The following LITAF variants were observed in gnomAD, a reference collection of about 807,000 sequenced individuals.
LITAF encodes the protein lipopolysaccharide-induced tumor necrosis factor-alpha factor.
Under a neutral mutation model 14.5 loss-of-function variants are expected in LITAF, and 9 were observed. That is an observed-to-expected ratio of 0.62 (90% CI 0.37 to 1.08). The LOEUF (loss-of-function observed/expected upper bound fraction) is 1.08, where lower values mean the gene tolerates loss of function less well. Ranked by LOEUF, LITAF falls within the 50% of genes least tolerant of loss-of-function variation. The pLI is 0.01. For missense variants in LITAF, 206 were observed against 213.4 expected (o/e 0.97, Z 0.22); for synonymous variants, 98 against 88.2 (o/e 1.11, Z -0.62).
At chr16:11,571,303 G>A (rs907617597) in intron 1 of LITAF, among the ~76,000 whole-genome samples, 3 of 152,188 alleles carry the variant, frequency 2.0e-5, no homozygotes, top group Non-Finnish European at 2.9e-5. Flanking sequence ...TTAACCTCAG[G>A]TGATTCGCCT....
chr16:11,618,713 G>A (rs913094709), intron 3 of LITAF, among the ~76,000 whole-genome samples: 7 of 152,096 alleles, frequency 4.6e-5, no homozygotes, highest in Admixed American at 4.6e-4. Flanking sequence ...GGCCGGCCGC[G>A]GGGGCTCACA....
intron 3 of LITAF, among the ~76,000 whole-genome samples, chr16:11,630,131 C>T (rs2065109005): frequency 6.6e-6 from 1 of 152,132 alleles, no homozygotes. Flanking sequence ...CATGGGAGTC[C>T]AGATAGGAAC....
upstream of LITAF, among the ~76,000 whole-genome samples, chr16:11,638,022 ATCTATATATC>A (rs1567271020): frequency 2.2e-5 from 2 of 89,602 alleles, no homozygotes; most frequent in Non-Finnish European, 3.7e-5. Flanking sequence ...ATCTATATAT[ATCTATATATC>A]TATATATATC....
At chr16:11,569,598 C>G (rs2141780007) in intron 1 of LITAF, among the ~76,000 whole-genome samples, 1 of 152,282 alleles carries the variant, frequency 6.6e-6, no homozygotes, top group South Asian at 2.1e-4. Flanking sequence ...CAGATTCACT[C>G]ATAGCTCAGG....
chr16:11,554,466 T>G (rs945493430), intron 2 of LITAF, among the ~76,000 whole-genome samples: 2 of 151,990 alleles, frequency 1.3e-5, no homozygotes, highest in African/African-American at 4.8e-5. Flanking sequence ...TGTGAAAACA[T>G]GTTCGAACAT....
intron 3 of LITAF, chr16:11,551,920 C>CT (rs34257398): frequency 0.04 from 14,320 of 361,908 alleles, 8 homozygotes; most frequent in East Asian, 0.091. Flanking sequence ...AGGCAATGGA[C>CT]TTTTTTTTTT....
intron 1 of LITAF, among the ~76,000 whole-genome samples, chr16:11,585,154 T>C (rs529446894): frequency 1.2e-4 from 16 of 138,534 alleles, no homozygotes; most frequent in African/African-American, 3.5e-4. Flanking sequence ...TGAGGTGGGG[T>C]GGGGAGGGTT....
intron 3 of LITAF, among the ~76,000 whole-genome samples, chr16:11,550,046 G>A (rs1427861594): frequency 2.0e-5 from 3 of 152,152 alleles, no homozygotes; most frequent in Non-Finnish European, 4.4e-5. Flanking sequence ...GCTGGAGGAG[G>A]CAAAAAATGA....
At chr16:11,554,261 T>C (rs1009532887) in intron 2 of LITAF, among the ~76,000 whole-genome samples, 15 of 151,868 alleles carry the variant, frequency 9.9e-5, no homozygotes, top group African/African-American at 3.6e-4. Flanking sequence ...TTAACCAGCC[T>C]CACACTGTGC....
intron 1 of LITAF, among the ~76,000 whole-genome samples, chr16:11,576,675 CA>C (rs1374233061): frequency 6.6e-6 from 1 of 152,036 alleles, no homozygotes; most frequent in Non-Finnish European, 1.5e-5. Flanking sequence ...TCCATCCCAC[CA>C]ACACAATTTG....
intron 1 of LITAF, among the ~76,000 whole-genome samples, chr16:11,568,847 T>G (rs901437613): frequency 6.6e-6 from 1 of 152,022 alleles, no homozygotes; most frequent in African/African-American, 2.4e-5. Flanking sequence ...GCCCAGCTAA[T>G]TTTTGTATTT....
At chr16:11,599,521 C>A (rs966782366), upstream of LITAF, among the ~76,000 whole-genome samples, 2 of 152,134 alleles carry the variant, frequency 1.3e-5, no homozygotes, top group African/African-American at 4.8e-5. Flanking sequence ...TTTCCAGAAT[C>A]ACAGTTTTGA....
rs371808299 is a variant in LITAF, at chr16:11,556,601, T to G, written c.130A>C (p.Thr44Pro). 12 of 1,614,054 alleles carry G rather than the reference T, an allele frequency of 7.4e-6. No individual in the cohort carries two copies. The African/African-American group carries it at 1.6e-4, about 22-fold the overall frequency. The change falls in exon 2 of 4, where the codon ACT (threonine) becomes CCT (proline). Residue 44 changes from threonine (T) to proline (P), a missense_variant. Physicochemically the swap from Thr to Pro is conservative, Grantham distance 38. Coordinates refer to ENST00000622633, the MANE Select transcript of LITAF (RefSeq NM_001136472.2). ...TCAGGCCCCGTCACAAGCCCCGTAG[T>G]TGGCCCAGGCATGGGAGCTGGAGGT... ...PTPPAPMPGP[T>P]TGLVTGPDGK...
intron 1 of LITAF, among the ~76,000 whole-genome samples, chr16:11,566,556 A>T (rs902848497): frequency 2.6e-5 from 4 of 152,254 alleles, no homozygotes; most frequent in Admixed American, 2.6e-4. Context: ...TTGAGCCTAG[A>T]AGTTCGAGAC....
chr16:11,552,359 C>A (rs763768991), intron 3 of LITAF, among the ~76,000 whole-genome samples: 6 of 150,480 alleles, frequency 4.0e-5, no homozygotes, highest in Non-Finnish European at 5.9e-5. Flanking sequence ...AAACATAATA[C>A]CTTTGGTGCA....
At position 11,605,202 on chromosome 16, in the gene LITAF, C is replaced by G. The variant is rs887639783; in HGVS notation, c.85+28331G>C. 6.6e-6 allele frequency among the ~76,000 whole-genome samples: 1 copy of G among 152,194 alleles called. No individual in the cohort carries two copies. The highest frequency in any genetic ancestry group is 1.5e-5 in the Non-Finnish European group (1 of 68,030). ...GCTCTCAGCATCCCCCCAGCCAGCT[C>G]TGGATGGAGGATGAGCTGAATTACG... On this transcript the variant is annotated intron_variant, in intron 3 of 3. Coordinates refer to the LITAF transcript ENST00000574848. This position sits in a 1 kb window ranked among gnomAD's most constrained non-coding sequence, Gnocchi z 4.7.
chr16:11,573,224 C>A (rs2064573669), intron 1 of LITAF, among the ~76,000 whole-genome samples: 1 of 152,044 alleles, frequency 6.6e-6, no homozygotes, highest in South Asian at 2.1e-4. Context: ...GCCACTGCAC[C>A]CGGCCATAAA....
At chr16:11,616,573 G>A (rs146408734) in intron 3 of LITAF, among the ~76,000 whole-genome samples, 1 of 151,956 alleles carries the variant, frequency 6.6e-6, no homozygotes, top group African/African-American at 2.4e-5. Context: ...AGGAAATTAC[G>A]AGGACCTTAG....
At chr16:11,618,570 T>C (rs2065031096) in intron 3 of LITAF, among the ~76,000 whole-genome samples, 1 of 152,194 alleles carries the variant, frequency 6.6e-6, no homozygotes, top group Admixed American at 6.5e-5. Flanking sequence ...CTGTGTGCGA[T>C]GGGCTAATAG....
Sources: gnomAD v4.1 joint callset for allele counts (sites outside exome capture counted in the v4.1 genomes callset) on GRCh38, gnomAD v4.1.1 for gene constraint, Gnocchi (gnomAD v3.1) non-coding constraint, MANE v1.5 for transcripts, NCBI Gene and HGNC (gene_info 2026-07-23, HGNC 2026-07-21) for gene names.